Variants in COMMD10 observed in about 807,000 individuals in gnomAD.
COMMD10 encodes the protein COMM domain containing 10.
COMMD10 carries 33 observed loss-of-function variants against 28.9 expected under a neutral mutation model. The observed-to-expected ratio is 1.14, with a 90% CI of 0.87 to 1.53. COMMD10 has a LOEUF of 1.53. Among genes scored for constraint, COMMD10 ranks in the 40% most tolerant of loss-of-function variants. The probability of loss-of-function intolerance (pLI) is 0.00; values close to 1 mark genes in which losing one functional copy is unlikely to be tolerated. For synonymous variants in COMMD10, 110 were observed against 81.7 expected, an observed-to-expected ratio of 1.35 and a Z score of -1.87; for missense variants, 310 against 233.4, an observed-to-expected ratio of 1.33 and a Z score of -2.14.
In COMMD10 at chr5:116,142,215, A is replaced by G. The variant is rs1216875174; in HGVS notation, c.510+8037A>G. Among the ~76,000 whole-genome samples, 6 of 151,900 alleles carry G rather than the reference A, an allele frequency of 3.9e-5. No individual in the cohort carries two copies. The East Asian group carries it at 7.7e-4, about 20-fold the overall frequency. ...TTAATGCTGTAACAAATCATTTTTT[A>G]TATCATTTCAAACTCATCATTAATA... On this transcript the variant is annotated intron_variant, in intron 5 of 6. Coordinates refer to ENST00000274458, the MANE Select transcript of COMMD10 (RefSeq NM_016144.4).
chr5:116,113,473 A>G (rs1017305071), intron 4 of COMMD10, among the ~76,000 whole-genome samples: 3 of 151,190 alleles, frequency 2.0e-5, no homozygotes, highest in African/African-American at 7.3e-5. Flanking sequence ...AAACACTTGG[A>G]AAGCTTTGTT....
intron 5 of COMMD10, among the ~76,000 whole-genome samples, chr5:116,256,180 A>G (rs12515466): frequency 0.1 from 15,770 of 151,650 alleles, 1,019 homozygotes; most frequent in African/African-American, 0.15. Flanking sequence ...TAAGAAGAAG[A>G]AAAGAATCTA....
chr5:116,225,337 T>A (rs1449799824), intron 5 of COMMD10, among the ~76,000 whole-genome samples: 1 of 145,676 alleles, frequency 6.9e-6, no homozygotes, highest in African/African-American at 2.5e-5. Flanking sequence ...AAGACTTTCC[T>A]GTTTGTTTTT....
At chr5:116,147,840 A>G (rs1388660690) in intron 5 of COMMD10, among the ~76,000 whole-genome samples, 1 of 151,936 alleles carries the variant, frequency 6.6e-6, no homozygotes, top group Non-Finnish European at 1.5e-5. Flanking sequence ...ACCTAGAGGT[A>G]ATCACTTTGA....
At chr5:116,173,397 A>G (rs916773919) in intron 5 of COMMD10, among the ~76,000 whole-genome samples, 1 of 152,120 alleles carries the variant, frequency 6.6e-6, no homozygotes, top group Non-Finnish European at 1.5e-5. Flanking sequence ...GTAGAAGTGT[A>G]AACTTTGGAA....
intron 5 of COMMD10, among the ~76,000 whole-genome samples, chr5:116,266,899 G>A (rs143076515): frequency 4.0e-5 from 6 of 151,654 alleles, no homozygotes; most frequent in Admixed American, 6.6e-5. Flanking sequence ...TTCAACAGCC[G>A]TTCATGCTAA....
intron 5 of COMMD10, among the ~76,000 whole-genome samples, chr5:116,281,848 C>T (rs1751077082): frequency 6.6e-6 from 1 of 151,968 alleles, no homozygotes; most frequent in East Asian, 1.9e-4. Flanking sequence ...CCTGCATACC[C>T]TGGATATTGG....
At chr5:116,257,201 G>A (rs1040236529) in intron 5 of COMMD10, among the ~76,000 whole-genome samples, 7 of 135,812 alleles carry the variant, frequency 5.2e-5, no homozygotes, top group Admixed American at 4.8e-4. Context: ...CATCACATAA[G>A]GCCACTTACG....
intron 5 of COMMD10, among the ~76,000 whole-genome samples, chr5:116,262,181 CA>C (rs1228445424): frequency 1.3e-5 from 2 of 151,540 alleles, no homozygotes; most frequent in Non-Finnish European, 2.9e-5. Context: ...TGTCTCCTCT[CA>C]TCTTTTTCTG....
intron 4 of COMMD10, among the ~76,000 whole-genome samples, chr5:116,117,163 C>G (rs1432368300): frequency 6.6e-6 from 1 of 151,944 alleles, no homozygotes; most frequent in Non-Finnish European, 1.5e-5. Flanking sequence ...ATTTGTTTAT[C>G]TGTATTTCTG....
At chr5:116,239,440 C>T (rs899596855) in intron 5 of COMMD10, among the ~76,000 whole-genome samples, 1 of 151,932 alleles carries the variant, frequency 6.6e-6, no homozygotes, top group Non-Finnish European at 1.5e-5. Context: ...TTAAAAAACT[C>T]GTATCATGAT....
rs565404623 is a variant in COMMD10 at position 116,245,386 on chromosome 5, C to T, written c.511-46131C>T. Reference sequence around the variant, plus strand: ...CCAACCAATAATGTCCAGGACCAGACGTATTCACATCTGAATTCTCCCAGA... The same window carrying T: ...CCAACCAATAATGTCCAGGACCAGATGTATTCACATCTGAATTCTCCCAGA... On this transcript the variant is annotated intron_variant, in intron 5 of 6. Coordinates refer to ENST00000274458, the MANE Select transcript of COMMD10 (RefSeq NM_016144.4). Among the ~76,000 whole-genome samples, 4 of 152,094 alleles carry T rather than the reference C, an allele frequency of 2.6e-5. No homozygotes were observed. In the East Asian group the frequency reaches 7.7e-4, roughly 29 times the overall value.
intron 5 of COMMD10, among the ~76,000 whole-genome samples, chr5:116,137,796 T>C (rs949177952): frequency 7.9e-5 from 12 of 152,018 alleles, no homozygotes; most frequent in Non-Finnish European, 4.4e-5. Flanking sequence ...TTTCCTGTTT[T>C]GCTATTAATT....
intron 5 of COMMD10, among the ~76,000 whole-genome samples, chr5:116,247,558 G>A (rs562122079): frequency 6.6e-5 from 10 of 151,998 alleles, no homozygotes; most frequent in African/African-American, 2.4e-4. Flanking sequence ...AGCAAAGACA[G>A]GGAATCAAGC....
chr5:116,264,716 T>C (rs887120348), intron 5 of COMMD10, among the ~76,000 whole-genome samples: 1 of 151,914 alleles, frequency 6.6e-6, no homozygotes, highest in African/African-American at 2.4e-5. Context: ...TTTTTTTCTT[T>C]AGGAGCTTGA....
At chr5:116,240,619 T>C (rs1749786582) in intron 5 of COMMD10, among the ~76,000 whole-genome samples, 1 of 150,628 alleles carries the variant, frequency 6.6e-6, no homozygotes. Flanking sequence ...CCTGAGAAGT[T>C]CCATTTTAAG....
intron 5 of COMMD10, among the ~76,000 whole-genome samples, chr5:116,142,934 C>G (rs972677050): frequency 1.3e-5 from 2 of 151,576 alleles, no homozygotes; most frequent in Admixed American, 6.6e-5. Context: ...CTTTGTGACT[C>G]TGGTTTCCTG....
At chr5:116,111,906 T>C (rs1259465338) in intron 4 of COMMD10, among the ~76,000 whole-genome samples, 1 of 152,198 alleles carries the variant, frequency 6.6e-6, no homozygotes, top group African/African-American at 2.4e-5. Context: ...TCTAACTCTC[T>C]TTAGGTCTAG....
At chr5:116,244,346 T>C (rs768601699) in intron 5 of COMMD10, among the ~76,000 whole-genome samples, 1 of 152,118 alleles carries the variant, frequency 6.6e-6, no homozygotes, top group Non-Finnish European at 1.5e-5. Context: ...TTCACTAGCA[T>C]CATTATGTAG....
Sources: allele counts gnomAD v4.1 joint callset (sites outside exome capture counted in the v4.1 genomes callset), GRCh38; gene constraint gnomAD v4.1.1; transcripts MANE v1.5; gene names NCBI Gene and HGNC (gene_info 2026-07-23, HGNC 2026-07-21).